IRS1: variants seen among roughly 807,000 people sequenced by gnomAD.
The protein encoded by IRS1 is insulin receptor substrate 1.
IRS1 carries 34 observed loss-of-function variants against 65.6 expected under a neutral mutation model. That is an observed-to-expected ratio of 0.52 (90% CI 0.39 to 0.69). The LOEUF (loss-of-function observed/expected upper bound fraction) is 0.69. Among genes scored for constraint, IRS1 ranks in the 30% least tolerant of loss-of-function variants. The pLI is 0.00. For synonymous variants in IRS1, 699 were observed against 683.5 expected (o/e 1.02, Z -0.35); for missense variants, 1,641 against 1,720.2 (o/e 0.95, Z 0.81).
chr2:226,786,566 C>A (rs73992216), intron 1 of IRS1, among the ~76,000 whole-genome samples: 5,710 of 150,886 alleles, frequency 0.038, 143 homozygotes, highest in African/African-American at 0.07. Context: ...TAAACAAAAC[C>A]CAGCAGTGAT....
chr2:226,777,426 T>A (rs981998675), intron 1 of IRS1, among the ~76,000 whole-genome samples: 1 of 152,224 alleles, frequency 6.6e-6, no homozygotes, highest in East Asian at 1.9e-4. Context: ...CTATTTAAAG[T>A]TCCTTACCAC....
rs1360533711 is a variant in IRS1, at chr2:226,794,902, AAC to A, written c.*21+85_*21+86del. ...TCTCCCTGAGGAAGCAGTGGGAAAG[AAC>A]AGGAAGGGGCAGAGGCGAAGAACAG... On this transcript the variant is annotated intron_variant, in intron 1 of 1. Coordinates refer to ENST00000305123, the MANE Select transcript of IRS1 (RefSeq NM_005544.3). This position sits in a 1 kb window ranked among gnomAD's most constrained non-coding sequence, Gnocchi z 4.1. 43 of 1,184,392 alleles carry A rather than the reference AAC, an allele frequency of 3.6e-5. No homozygotes were observed. Among genetic ancestry groups the A allele is most frequent in the Admixed American group, 2.7e-4 (16 of 59,468 alleles). The allele number at this position is 1,184,392 out of a possible 1,614,324, so 73.4% of individuals were successfully genotyped here.
rs747512782 is a variant in IRS1, at chr2:226,798,617, G to C, written c.122C>G (p.Pro41Arg). 1 of 1,613,124 alleles carries C rather than the reference G, an allele frequency of 6.2e-7. No homozygotes were observed. Among genetic ancestry groups the C allele is most frequent in the Non-Finnish European group, 8.5e-7 (1 of 1,179,600 alleles). The stretch of plus-strand genomic sequence containing the variant: ...GTTCTCGTAGTACTCGAGGCGCGCC[G>C]GGCCCCCAGCCTCGCTGGCCGCGCG... The part of the protein sequence containing the change: ...VLRAASEAGG[P>R]ARLEYYENEK... The change falls in exon 1 of 2, where the codon CCG (proline) becomes CGG (arginine). Residue 41 changes from proline (P) to arginine (R), a missense_variant. Around this residue, in one of 3 missense-constraint regions of IRS1, gnomAD observed 240 missense variants for 229.6 expected, o/e 1.05. Transcript: ENST00000305123. The surrounding 1 kb of genome is among the most constrained non-coding windows in gnomAD (Gnocchi z 9.4).
Position 226,798,824 on chromosome 2 carries a change from G to A in IRS1, c.-86C>T, listed in dbSNP as rs562185743. The A allele has an allele frequency of 7.1e-5, 110 of 1,550,078 alleles. No homozygotes were observed. The highest frequency in any genetic ancestry group is 6.7e-4 in the Middle Eastern group (3 of 4,446). On this transcript the variant is annotated 5_prime_UTR_variant, in exon 1 of 2. Transcript: ENST00000305123. This position sits in a 1 kb window ranked among gnomAD's most constrained non-coding sequence, Gnocchi z 9.4. Reference sequence around the variant, plus strand: ...GGCGGAGGCTCCTCGCCGCGGCCCGGCACATGCAAACAGGGCTGGAGGCAG... The same window carrying A: ...GGCGGAGGCTCCTCGCCGCGGCCCGACACATGCAAACAGGGCTGGAGGCAG...
chr2:226,752,559 A>G (rs1418940078), intron 1 of IRS1, among the ~76,000 whole-genome samples: 1 of 152,228 alleles, frequency 6.6e-6, no homozygotes, highest in East Asian at 1.9e-4. Flanking sequence ...ATAGGCTACT[A>G]AAGATTTTAG....
intron 1 of IRS1, among the ~76,000 whole-genome samples, chr2:226,771,041 A>G (rs1336148879): frequency 1.3e-5 from 2 of 152,142 alleles, no homozygotes; most frequent in Non-Finnish European, 1.5e-5. Flanking sequence ...GTATATATAT[A>G]TAACTTTTGG....
intron 1 of IRS1, among the ~76,000 whole-genome samples, chr2:226,740,256 T>G (rs987087987): frequency 3.3e-5 from 5 of 152,230 alleles, no homozygotes; most frequent in Non-Finnish European, 7.3e-5. Context: ...CAAAATTTCA[T>G]CACCACATCA....
Position 226,739,805 on chromosome 2 carries a change from G to A in IRS1, c.*22-3555C>T, listed in dbSNP as rs1938399564. Among the ~76,000 whole-genome samples the A allele has an allele frequency of 2.0e-5, 3 of 152,094 alleles. No homozygotes were observed. The South Asian group carries it at 6.2e-4, about 32-fold the overall frequency. ...GAATAAAGCAACTCACTCAAAAAAG[G>A]CAAACATTTGCGTAACTTAATATAT... is the stretch of plus-strand genomic sequence containing the variant. On this transcript the variant is annotated intron_variant, in intron 1 of 1. Transcript: ENST00000305123.
At position 226,734,106 on chromosome 2, in the gene IRS1, A is replaced by G. The variant is rs1938280606; in HGVS notation, c.*2166T>C. 6.6e-6 allele frequency: 1 copy of G among 152,212 alleles called. No homozygotes were observed. The highest frequency in any genetic ancestry group is 6.5e-5 in the Admixed American group (1 of 15,290). The allele number at this position is 152,212 out of a possible 1,614,324, so 9.4% of individuals were successfully genotyped here. A position where few individuals can be genotyped will look rare whatever the true frequency, so the allele number is the denominator to read the frequency against. On this transcript the variant is annotated 3_prime_UTR_variant, in exon 2 of 2. Coordinates refer to ENST00000305123, the MANE Select transcript of IRS1 (RefSeq NM_005544.3). ...TCTCTTTAACTATTTCAGTCCTCAAAGGAAAAGAGCAGGGCAGCTTGCTCT... is the reference window on the plus strand; with the variant it reads ...TCTCTTTAACTATTTCAGTCCTCAAGGGAAAAGAGCAGGGCAGCTTGCTCT...
intron 1 of IRS1, among the ~76,000 whole-genome samples, chr2:226,758,646 AT>A (rs1938850584): frequency 6.6e-6 from 1 of 152,190 alleles, no homozygotes; most frequent in Non-Finnish European, 1.5e-5. Flanking sequence ...AGAGGCTGTG[AT>A]GATACACAAT....
At chr2:226,768,057 C>T (rs1033965454) in intron 1 of IRS1, among the ~76,000 whole-genome samples, 1 of 152,134 alleles carries the variant, frequency 6.6e-6, no homozygotes, top group Non-Finnish European at 1.5e-5. Flanking sequence ...CCAGATGCAC[C>T]GGAACATAGG....
rs528690598 is a variant in IRS1 at position 226,778,970 on chromosome 2, T to A, written c.*21+16019A>T. The stretch of plus-strand genomic sequence containing the variant: ...TATAGCTTTCTCACTCACATGGCCC[T>A]CAAGAAAGGAAGTTCTAAGAAAGCT... On this transcript the variant is annotated intron_variant, in intron 1 of 1. Coordinates refer to ENST00000305123, the MANE Select transcript of IRS1 (RefSeq NM_005544.3). Among the ~76,000 whole-genome samples, 232 of 152,338 alleles carry A rather than the reference T, an allele frequency of 1.5e-3. 3 individuals carry two copies. The South Asian group carries it at 0.046, about 30-fold the overall frequency.
At chr2:226,736,704 A>G (rs1938332437) in intron 1 of IRS1, among the ~76,000 whole-genome samples, 1 of 152,226 alleles carries the variant, frequency 6.6e-6, no homozygotes, top group Admixed American at 6.5e-5. Flanking sequence ...AAAATCGGAA[A>G]TCAATTTTTC....
At chr2:226,759,205 G>A (rs1938865420) in intron 1 of IRS1, among the ~76,000 whole-genome samples, 1 of 152,190 alleles carries the variant, frequency 6.6e-6, no homozygotes, top group Non-Finnish European at 1.5e-5. Flanking sequence ...AATTCCAAAT[G>A]CTTTCTTATA....
chr2:226,755,072 C>A (rs1253723106), intron 1 of IRS1, among the ~76,000 whole-genome samples: 1 of 152,190 alleles, frequency 6.6e-6, no homozygotes, highest in Non-Finnish European at 1.5e-5. Flanking sequence ...AGCTCTCCTG[C>A]CACACTGCAT....
intron 1 of IRS1, among the ~76,000 whole-genome samples, chr2:226,777,040 C>T (rs1939287391): frequency 1.3e-5 from 2 of 152,060 alleles, no homozygotes; most frequent in African/African-American, 2.4e-5. Context: ...CTGATACAGC[C>T]TAAGGAGACA....
At chr2:226,791,845 G>C (rs1449248021) in intron 1 of IRS1, among the ~76,000 whole-genome samples, 1 of 152,106 alleles carries the variant, frequency 6.6e-6, no homozygotes, top group Non-Finnish European at 1.5e-5. Context: ...GGGCCCCACC[G>C]CCCTGGATGA....
Position 226,748,694 on chromosome 2 carries a change from T to A in IRS1, c.*22-12444A>T, listed in dbSNP as rs553867345. On this transcript the variant is annotated intron_variant, in intron 1 of 1. Transcript: ENST00000305123. ...CCAGTAGTCAAATGCAAGACTGAGA[T>A]ACAAATCATAGTTGCTGTTTCTGTG... is the stretch of plus-strand genomic sequence containing the variant. Among the ~76,000 whole-genome samples, 3 of 152,090 alleles carry A rather than the reference T, an allele frequency of 2.0e-5. No individual in the cohort carries two copies. The South Asian group carries it at 6.2e-4, about 32-fold the overall frequency.
In IRS1 at chr2:226,733,200, TTTC is replaced by T. The variant is rs1473460158; in HGVS notation, c.*3069_*3071del. 2 of 152,184 alleles carry T rather than the reference TTTC, an allele frequency of 1.3e-5. No individual in the cohort carries two copies. The highest frequency in any genetic ancestry group is 2.9e-5 in the Non-Finnish European group (2 of 68,024). The allele number at this position is 152,184 out of a possible 1,614,324, so 9.4% of individuals were successfully genotyped here. On this transcript the variant is annotated 3_prime_UTR_variant, in exon 2 of 2. Coordinates refer to ENST00000305123, the MANE Select transcript of IRS1 (RefSeq NM_005544.3). ...TGTTTCTTACCATACAGAAAAATTG[TTTC>T]TTAATACTTCAAATGTCTCAAATTT... is the stretch of plus-strand genomic sequence containing the variant.
Sources: allele counts gnomAD v4.1 joint callset (sites outside exome capture counted in the v4.1 genomes callset), GRCh38; gene constraint gnomAD v4.1.1; regional missense constraint gnomAD v4.1.1; non-coding constraint Gnocchi (gnomAD v3.1); transcripts MANE v1.5; gene names NCBI Gene and HGNC (gene_info 2026-07-23, HGNC 2026-07-21).